ELAPOR2: variants seen among roughly 807,000 people sequenced by gnomAD.
ELAPOR2 encodes the protein endosome-lysosome associated apoptosis and autophagy regulator family member 2, also known as endosome/lysosome-associated apoptosis and autophagy regulator family member 2.
Under a neutral mutation model 120.7 loss-of-function variants are expected in ELAPOR2, and 89 were observed. That is an observed-to-expected ratio of 0.74 (90% CI 0.62 to 0.88). The LOEUF (loss-of-function observed/expected upper bound fraction) is 0.88, where lower values mean the gene tolerates loss of function less well. Ranked by LOEUF, ELAPOR2 falls within the 40% of genes least tolerant of loss-of-function variation. The pLI, the probability that ELAPOR2 is intolerant of heterozygous loss-of-function variation, is 0.00. For synonymous variants in ELAPOR2, 444 were observed against 444.9 expected (o/e 1.00, Z 0.03); for missense variants, 1,134 against 1,251.6 (o/e 0.91, Z 1.42).
In ELAPOR2 at chr7:86,986,285, C is replaced by T. The variant is rs574654689; in HGVS notation, c.190-21261G>A. Among the ~76,000 whole-genome samples, 167 of 117,222 alleles carry T rather than the reference C, an allele frequency of 1.4e-3. 30 individuals are homozygous for T. The highest frequency in any genetic ancestry group is 0.011 in the South Asian group (45 of 4,104). 76.9% of individuals were successfully genotyped at this position (117,222 alleles called of 152,430 possible). On this transcript the variant is annotated intron_variant, in intron 1 of 21. Coordinates refer to ENST00000450689, the MANE Select transcript of ELAPOR2 (RefSeq NM_001142749.3). ...TCTACTAAAAATACAAAAAATTAGC[C>T]GGGCGTAGTGGCGGGCGCCTGTAGT...
In ELAPOR2 at chr7:86,891,831, G is replaced by A; in HGVS notation, c.2923C>T (p.Pro975Ser). The A allele has an allele frequency of 6.2e-7, 1 of 1,611,434 alleles. No homozygotes were observed. The highest frequency in any genetic ancestry group is 8.5e-7 in the Non-Finnish European group (1 of 1,178,526). ...MTTNSKECEL[P>S]AADSCAIMEG... is the part of the protein sequence containing the mutation. ...ATGATAGCACAACTGTCTGCAGCCG[G>A]GAGTTCACACTCTTTTGAGTTAGTC... Residue 975 changes from proline to serine, a missense_variant, in exon 21 of 22, where the codon CCG (proline) becomes TCG (serine). Coordinates refer to ENST00000450689, the MANE Select transcript of ELAPOR2 (RefSeq NM_001142749.3).
chr7:86,984,379 A>G (rs1049716032), intron 1 of ELAPOR2, among the ~76,000 whole-genome samples: 7 of 152,362 alleles, frequency 4.6e-5, no homozygotes, highest in Non-Finnish European at 7.3e-5. Context: ...TCAACAGAAT[A>G]TACATTATTC....
intron 1 of ELAPOR2, among the ~76,000 whole-genome samples, chr7:87,031,246 T>C (rs1392374751): frequency 6.6e-6 from 1 of 152,222 alleles, no homozygotes; most frequent in African/African-American, 2.4e-5. Flanking sequence ...CTCTCAGTTT[T>C]TCTTTAACAA....
At chr7:87,025,180 T>C (rs985843258) in intron 1 of ELAPOR2, among the ~76,000 whole-genome samples, 9 of 152,192 alleles carry the variant, frequency 5.9e-5, no homozygotes, top group African/African-American at 2.2e-4. Context: ...GATGACTAAA[T>C]GAAATTGTAG....
intron 1 of ELAPOR2, among the ~76,000 whole-genome samples, chr7:87,027,889 A>AG (rs1198093065): frequency 1.3e-5 from 2 of 152,242 alleles, no homozygotes; most frequent in Middle Eastern, 3.4e-3. Context: ...AACTAGAAAG[A>AG]GGGGGGAAAA....
intron 1 of ELAPOR2, among the ~76,000 whole-genome samples, chr7:87,006,756 T>C (rs1793495133): frequency 6.6e-6 from 1 of 152,134 alleles, no homozygotes; most frequent in African/African-American, 2.4e-5. Flanking sequence ...TACAAAAATA[T>C]TCACAGCCAC....
intron 2 of ELAPOR2, among the ~76,000 whole-genome samples, chr7:86,956,752 G>A (rs1439150386): frequency 6.6e-6 from 1 of 152,158 alleles, no homozygotes; most frequent in Non-Finnish European, 1.5e-5. Context: ...AGAAATCTCA[G>A]TTCATTGGGC....
At chr7:87,013,769 AAAACC>A (rs1216970026) in intron 1 of ELAPOR2, among the ~76,000 whole-genome samples, 1 of 152,178 alleles carries the variant, frequency 6.6e-6, no homozygotes, top group Non-Finnish European at 1.5e-5. Flanking sequence ...ATTTCCCTCA[AAAACC>A]AGCCAGTCGA....
intron 1 of ELAPOR2, among the ~76,000 whole-genome samples, chr7:86,971,432 T>C (rs1032184704): frequency 1.3e-5 from 2 of 152,204 alleles, no homozygotes; most frequent in Non-Finnish European, 2.9e-5. Flanking sequence ...CATTCTACAA[T>C]AATATTAGAA....
intron 1 of ELAPOR2, among the ~76,000 whole-genome samples, chr7:87,042,917 G>T (rs866675739): frequency 1.3e-5 from 2 of 152,074 alleles, no homozygotes; most frequent in African/African-American, 4.8e-5. Context: ...AATAAAAAAT[G>T]ATAAAGGGGA....
intron 1 of ELAPOR2, among the ~76,000 whole-genome samples, chr7:87,014,146 C>A (rs1793789163): frequency 6.6e-6 from 1 of 151,118 alleles, no homozygotes; most frequent in Admixed American, 6.6e-5. Flanking sequence ...AGGCAAGCTT[C>A]CTTCATGTAT....
chr7:86,880,595 A>G (rs754924722), intron 21 of ELAPOR2, 65 bp from the exon 22 acceptor site: 3 of 1,014,970 alleles, frequency 3.0e-6, no homozygotes, highest in Non-Finnish European at 4.6e-6. Flanking sequence ...AGGATCTTAC[A>G]TGTCCAGAAG....
intron 2 of ELAPOR2, among the ~76,000 whole-genome samples, chr7:86,950,960 A>G (rs567493463): frequency 6.6e-6 from 1 of 152,338 alleles, no homozygotes; most frequent in African/African-American, 2.4e-5. Flanking sequence ...CAACTAACAG[A>G]AAAACACAGT....
intron 8 of ELAPOR2, among the ~76,000 whole-genome samples, chr7:86,931,590 T>C (rs777728221): frequency 2.6e-5 from 4 of 151,936 alleles, no homozygotes; most frequent in Non-Finnish European, 4.4e-5. Context: ...ATGTGATAAT[T>C]ACTCATTCAT....
At chr7:86,896,737 G>C (rs535391112) in intron 19 of ELAPOR2, among the ~76,000 whole-genome samples, 10 of 152,084 alleles carry the variant, frequency 6.6e-5, no homozygotes, top group African/African-American at 9.7e-5. Context: ...AGTGAAGCAG[G>C]CTCTCTCAAA....
chr7:86,878,796 AAG>A lies in ELAPOR2; in HGVS notation c.*1673_*1674del, dbSNP rs1799266995. 1 of 152,230 alleles carries A rather than the reference AAG, an allele frequency of 6.6e-6. No individual in the cohort carries two copies. The highest frequency in any genetic ancestry group is 1.5e-5 in the Non-Finnish European group (1 of 68,042). The allele number at this position is 152,230 out of a possible 1,614,324, so 9.4% of individuals were successfully genotyped here. A position where few individuals can be genotyped will look rare whatever the true frequency, so the allele number is the denominator to read the frequency against. On this transcript the variant is annotated 3_prime_UTR_variant, in exon 22 of 22. Coordinates refer to ENST00000450689, the MANE Select transcript of ELAPOR2 (RefSeq NM_001142749.3). ...ACATTCAAGAAATTAAATGCAAAAA[AAG>A]GTTTATGCAAAGTGACTCCCTCCCT...
intron 18 of ELAPOR2, among the ~76,000 whole-genome samples, chr7:86,905,414 C>T (rs1788966783): frequency 6.6e-6 from 1 of 151,698 alleles, no homozygotes; most frequent in African/African-American, 2.4e-5. Context: ...CCCCTTGTGC[C>T]CTGATGGGAA....
At chr7:86,883,949 T>C (rs888951176) in intron 21 of ELAPOR2, among the ~76,000 whole-genome samples, 3 of 152,174 alleles carry the variant, frequency 2.0e-5, no homozygotes, top group African/African-American at 4.8e-5. Flanking sequence ...TGGGGTGAAG[T>C]GTATTGAAGT....
intron 1 of ELAPOR2, among the ~76,000 whole-genome samples, chr7:86,995,497 G>A (rs1793092625): frequency 6.6e-6 from 1 of 152,138 alleles, no homozygotes; most frequent in Non-Finnish European, 1.5e-5. Context: ...CAAAATTGAG[G>A]TAGAAGAAAG....
Sources: gnomAD v4.1 joint callset for allele counts (sites outside exome capture counted in the v4.1 genomes callset) on GRCh38, gnomAD v4.1.1 for gene constraint, MANE v1.5 for transcripts, NCBI Gene and HGNC (gene_info 2026-07-23, HGNC 2026-07-21) for gene names.